MMP26: variants seen among roughly 807,000 people sequenced by gnomAD.
MMP26 encodes matrix metallopeptidase 26, also known as matrix metalloproteinase-26.
A neutral mutation model predicts 31.0 loss-of-function variants in MMP26; 33 were observed. The ratio of observed to expected loss-of-function variants is 1.06; its 90% CI spans 0.81 to 1.42. MMP26 has a LOEUF of 1.42. Among genes scored for constraint, MMP26 ranks in the 40% most tolerant of loss-of-function variants. MMP26 has a pLI of 0.00. For synonymous variants in MMP26, 122 were observed against 114.9 expected (o/e 1.06, Z -0.40); for missense variants, 347 against 316.1 (o/e 1.10, Z -0.74).
chr11:4,764,389 A>T (rs1333218089), intron 1 of MMP26, among the ~76,000 whole-genome samples: 1 of 152,126 alleles, frequency 6.6e-6, no homozygotes, highest in East Asian at 1.9e-4. Context: ...GGCAAAAAAT[A>T]TTTCCCTTTT....
intron 2 of MMP26, among the ~76,000 whole-genome samples, chr11:4,768,603 T>C (rs1315658941): frequency 6.6e-6 from 1 of 152,186 alleles, no homozygotes; most frequent in Non-Finnish European, 1.5e-5. Flanking sequence ...TAAATGTCTA[T>C]AAATCTGTTC....
intron 2 of MMP26, among the ~76,000 whole-genome samples, chr11:4,878,914 A>G (rs1313795527): frequency 6.6e-6 from 1 of 152,010 alleles, no homozygotes; most frequent in Non-Finnish European, 1.5e-5. Flanking sequence ...ATACGTATAT[A>G]GTGAGAATAT....
chr11:4,781,532 C>T lies in MMP26; in HGVS notation c.-145+14191C>T, dbSNP rs1487187775. On this transcript the variant is annotated intron_variant, in intron 2 of 7. Transcript: ENST00000380390. ...ACTGCAGTCCGCAGTCCGGCCTGGG[C>T]GACAGAGCGAGACTCCGTCTCAAAA... Among the ~76,000 whole-genome samples the T allele has an allele frequency of 3.5e-3, 184 of 52,462 alleles. 34 individuals are homozygous for T. Among genetic ancestry groups the T allele is most frequent in the African/African-American group, 0.027 (163 of 6,086 alleles). 34.4% of individuals were successfully genotyped at this position (52,462 alleles called of 152,430 possible).
chr11:4,743,420 T>C (rs1848340006), intron 1 of MMP26, among the ~76,000 whole-genome samples: 3 of 152,214 alleles, frequency 2.0e-5, no homozygotes, highest in Admixed American at 2.0e-4. Context: ...GGGCTGTTAG[T>C]ATTAAGGATT....
chr11:4,914,629 G>T, intron 2 of MMP26: 1 of 850,194 alleles, frequency 1.2e-6, no homozygotes, highest in Non-Finnish European at 1.8e-6. Context: ...GTAAGTAAAT[G>T]TCTCCTTTAT....
chr11:4,876,393 G>C (rs191656729), intron 2 of MMP26: 3 of 152,240 alleles, frequency 2.0e-5, no homozygotes, highest in African/African-American at 7.2e-5. Context: ...TGAAGCAGGG[G>C]CTACTGGTTT....
At chr11:4,906,001 C>A (rs1050045305) in intron 2 of MMP26, among the ~76,000 whole-genome samples, 2 of 151,858 alleles carry the variant, frequency 1.3e-5, no homozygotes, top group East Asian at 3.9e-4. Context: ...TGACTAATTT[C>A]TCTGACTAAT....
At chr11:4,899,037 C>G (rs1361766331) in intron 2 of MMP26, among the ~76,000 whole-genome samples, 1 of 152,120 alleles carries the variant, frequency 6.6e-6, no homozygotes, top group Non-Finnish European at 1.5e-5. Flanking sequence ...AGCAAAGTCT[C>G]TGTACCCTTG....
At chr11:4,729,900 A>G (rs2133282734) in intron 1 of MMP26, among the ~76,000 whole-genome samples, 1 of 152,152 alleles carries the variant, frequency 6.6e-6, no homozygotes, top group East Asian at 1.9e-4. Context: ...CGTAAAGTTA[A>G]GTAATATCTG....
intron 2 of MMP26, chr11:4,937,845 C>A (rs772072357): frequency 2.6e-5 from 4 of 152,624 alleles, no homozygotes; most frequent in Admixed American, 6.5e-5. Context: ...TCTTGGAAGT[C>A]AGAAGAACCC....
intron 1 of MMP26, among the ~76,000 whole-genome samples, chr11:4,732,820 A>T (rs1848191018): frequency 1.3e-5 from 2 of 152,244 alleles, no homozygotes; most frequent in South Asian, 4.1e-4. Flanking sequence ...AGCTGAATAA[A>T]TATTCCATTG....
At chr11:4,865,238 T>A (rs1850218202) in intron 2 of MMP26, among the ~76,000 whole-genome samples, 1 of 152,126 alleles carries the variant, frequency 6.6e-6, no homozygotes, top group Non-Finnish European at 1.5e-5. Flanking sequence ...ACACTTAATT[T>A]TTTCCTCTGC....
chr11:4,789,441 T>C (rs1033746803), intron 2 of MMP26, among the ~76,000 whole-genome samples: 3 of 151,902 alleles, frequency 2.0e-5, no homozygotes, highest in African/African-American at 7.3e-5. Context: ...TCCCATTTTT[T>C]TTTGACAGGA....
chr11:4,764,736 G>T (rs186856422), intron 1 of MMP26, among the ~76,000 whole-genome samples: 1 of 152,064 alleles, frequency 6.6e-6, no homozygotes, highest in African/African-American at 2.4e-5. Flanking sequence ...AGCTGGGCGC[G>T]GTGGCGGGCG....
chr11:4,945,612 C>T (rs1476121706), intron 2 of MMP26: 1 of 157,858 alleles, frequency 6.3e-6, no homozygotes, highest in Non-Finnish European at 1.4e-5. Context: ...CTGCAGACTA[C>T]TGGTGGGGCA....
intron 1 of MMP26, chr11:4,722,789 G>A (rs926807814): frequency 3.0e-6 from 3 of 996,764 alleles, no homozygotes; most frequent in Non-Finnish European, 4.7e-6. Context: ...CGTGGGTCTC[G>A]ATATTCTTCA....
intron 2 of MMP26, chr11:4,848,799 G>A (rs1041806630): frequency 3.7e-6 from 6 of 1,613,916 alleles, no homozygotes; most frequent in Non-Finnish European, 5.1e-6. Context: ...GTAGTGGAGA[G>A]GTCGGCAGAT....
intron 1 of MMP26, among the ~76,000 whole-genome samples, chr11:4,717,150 A>G (rs1589882198): frequency 6.6e-6 from 1 of 151,946 alleles, no homozygotes; most frequent in East Asian, 1.9e-4. Flanking sequence ...ATCCCCTCCA[A>G]CTTTCTAATA....
At chr11:4,713,411 C>T (rs150220738) in intron 1 of MMP26, among the ~76,000 whole-genome samples, 192 of 152,266 alleles carry the variant, frequency 1.3e-3, no homozygotes, top group African/African-American at 4.6e-3. Context: ...ACCTTCTGTT[C>T]TTCCTACACT....
Sources: gnomAD v4.1 joint callset for allele counts (sites outside exome capture counted in the v4.1 genomes callset) on GRCh38, gnomAD v4.1.1 for gene constraint, MANE v1.5 for transcripts, NCBI Gene and HGNC (gene_info 2026-07-23, HGNC 2026-07-21) for gene names.